The following NFILZ variants were observed in gnomAD, a reference collection of about 807,000 sequenced individuals.
The protein encoded by NFILZ is NFIL3 like protein.
chr19:8,636,929 T>C (rs1555746164), intron 3 of NFILZ, among the ~76,000 whole-genome samples: 1 of 152,028 alleles, frequency 6.6e-6, no homozygotes, highest in Admixed American at 6.6e-5. Context: ...AGGACACTGG[T>C]CCCCTGGATA....
In NFILZ at chr19:8,669,652, TCTGGGGACATTTAAC is replaced by T. The variant is rs2043078209; in HGVS notation, c.-163-4894_-163-4880del. Reference sequence around the variant, plus strand: ...GTCCTCACTGAAACAAGTGGAAGTATCTGGGGACATTTAACCTGGTGCATTAGGAAGGGTTTGGGT... The same window carrying T: ...GTCCTCACTGAAACAAGTGGAAGTATCTGGTGCATTAGGAAGGGTTTGGGT... On this transcript the variant is annotated intron_variant, in intron 3 of 5. Coordinates refer to ENST00000691075, the MANE Select transcript of NFILZ (RefSeq NM_001378600.1). 2.6e-5 allele frequency among the ~76,000 whole-genome samples: 4 copies of T among 152,314 alleles called. No homozygotes were observed. The South Asian group carries it at 8.3e-4, about 32-fold the overall frequency.
chr19:8,650,379 G>A (rs1427117278), intron 3 of NFILZ, among the ~76,000 whole-genome samples: 6 of 151,992 alleles, frequency 3.9e-5, no homozygotes, highest in South Asian at 2.1e-4. Flanking sequence ...TAGAGGCTGC[G>A]TGCGGTGGCT....
chr19:8,641,528 A>G (rs2042919232), intron 3 of NFILZ, among the ~76,000 whole-genome samples: 1 of 152,240 alleles, frequency 6.6e-6, no homozygotes, highest in South Asian at 2.1e-4. Flanking sequence ...CACAGAGCCC[A>G]TTCCAATTCT....
chr19:8,663,754 G>GTGTGTATGTGTGTGTATGTGTGTA (rs1475816997), intron 3 of NFILZ, among the ~76,000 whole-genome samples: 26 of 117,542 alleles, frequency 2.2e-4, no homozygotes, highest in Admixed American at 7.2e-4. Flanking sequence ...GTGTGTGTGT[G>GTGTGTATGTGTGTGTATGTGTGTA]TGTGTGTGTG....
At position 8,679,100 on chromosome 19, in the gene NFILZ, T is replaced by C. The variant is rs973509084; in HGVS notation, c.*1465T>C. ...AGCTGCTGGAACAGGAGCAGCTGTGTGAGGGCATCAGTGTCCTCTCTCTCC... is the reference window on the plus strand; with the variant it reads ...AGCTGCTGGAACAGGAGCAGCTGTGCGAGGGCATCAGTGTCCTCTCTCTCC... On this transcript the variant is annotated 3_prime_UTR_variant, in exon 6 of 6. Coordinates refer to ENST00000691075, the MANE Select transcript of NFILZ (RefSeq NM_001378600.1). Among the ~76,000 whole-genome samples the C allele has an allele frequency of 2.0e-5, 3 of 151,998 alleles. No homozygotes were observed. Among genetic ancestry groups the C allele is most frequent in the Admixed American group, 2.0e-4 (3 of 15,252 alleles).
chr19:8,641,720 C>T (rs2042920090), intron 3 of NFILZ, among the ~76,000 whole-genome samples: 4 of 152,304 alleles, frequency 2.6e-5, no homozygotes, highest in African/African-American at 4.8e-5. Context: ...GCCTCAGTTT[C>T]CCTATCTGCA....
At chr19:8,652,077 C>T (rs1449301378) in intron 3 of NFILZ, among the ~76,000 whole-genome samples, 1 of 151,108 alleles carries the variant, frequency 6.6e-6, no homozygotes, top group Non-Finnish European at 1.5e-5. Context: ...GACTTCAATT[C>T]TGTACTTTGC....
chr19:8,675,596 T>G (rs782147657), intron 4 of NFILZ, among the ~76,000 whole-genome samples: 1 of 152,180 alleles, frequency 6.6e-6, no homozygotes, highest in Non-Finnish European at 1.5e-5. Context: ...AGTGAGACCA[T>G]GTTCCTACAG....
At chr19:8,656,441 TCCTCGAAG>T (rs2043000739) in intron 3 of NFILZ, among the ~76,000 whole-genome samples, 1 of 68,676 alleles carries the variant, frequency 1.5e-5, no homozygotes, top group Non-Finnish European at 2.8e-5. Context: ...GCCCACCTTC[TCCTCGAAG>T]CCCACCTTCT....
rs2043127603 is a variant in NFILZ, at chr19:8,678,198, T to TCC, written c.*563_*564insCC. Among the ~76,000 whole-genome samples, 1 of 20,406 alleles carries TCC rather than the reference T, an allele frequency of 4.9e-5. No homozygotes were observed. The highest frequency in any genetic ancestry group is 9.4e-5 in the Non-Finnish European group (1 of 10,588). 13.4% of individuals were successfully genotyped at this position (20,406 alleles called of 152,430 possible). A position where few individuals can be genotyped will look rare whatever the true frequency, so the allele number is the denominator to read the frequency against. On this transcript the variant is annotated 3_prime_UTR_variant, in exon 6 of 6. Transcript: ENST00000691075. ...CCATCCATCCATCCATCCGTCCATC[T>TCC]ATCCATCCATCCATTCATCCATCCG...
intron 3 of NFILZ, among the ~76,000 whole-genome samples, chr19:8,654,797 C>T (rs567073684): frequency 3.3e-5 from 5 of 152,196 alleles, no homozygotes; most frequent in African/African-American, 1.2e-4. Flanking sequence ...TCAACCCCAG[C>T]CCCGCCTCGG....
At chr19:8,663,746 G>GTATGTA (rs1555674956) in intron 3 of NFILZ, among the ~76,000 whole-genome samples, 4 of 51,892 alleles carry the variant, frequency 7.7e-5, no homozygotes, top group African/African-American at 1.9e-4. Flanking sequence ...GTGTGTGTGT[G>GTATGTA]TGTGTGTGTG....
intron 3 of NFILZ, among the ~76,000 whole-genome samples, chr19:8,668,660 T>G (rs2043073559): frequency 6.6e-6 from 1 of 152,212 alleles, no homozygotes. Context: ...TGCACGTGCA[T>G]GCTTTTGACC....
chr19:8,639,919 G>T (rs1555746502), intron 3 of NFILZ, among the ~76,000 whole-genome samples: 1 of 152,142 alleles, frequency 6.6e-6, no homozygotes, highest in Non-Finnish European at 1.5e-5. Context: ...ACCCTGCTGG[G>T]TGTTTAAAAG....
chr19:8,666,668 A>T (rs1049736122), intron 3 of NFILZ, among the ~76,000 whole-genome samples: 2 of 152,118 alleles, frequency 1.3e-5, no homozygotes, highest in Non-Finnish European at 2.9e-5. Flanking sequence ...CTCTTATGAC[A>T]TTAAGATTTT....
At position 8,679,636 on chromosome 19, in the gene NFILZ, A is replaced by G. The variant is rs959406558; in HGVS notation, c.*2001A>G. Among the ~76,000 whole-genome samples the G allele has an allele frequency of 2.0e-4, 30 of 152,126 alleles. No homozygotes were observed. Among genetic ancestry groups the G allele is most frequent in the African/African-American group, 7.2e-4 (30 of 41,430 alleles). On this transcript the variant is annotated 3_prime_UTR_variant, in exon 6 of 6. Coordinates refer to ENST00000691075, the MANE Select transcript of NFILZ (RefSeq NM_001378600.1). ...ACTGGGCATCCCTAGAATCCTGCAC[A>G]TCACAGGTAGGACCTCCTCTACTTG...
intron 3 of NFILZ, among the ~76,000 whole-genome samples, chr19:8,644,127 G>T (rs1201431310): frequency 6.6e-6 from 1 of 152,128 alleles, no homozygotes; most frequent in Non-Finnish European, 1.5e-5. Context: ...TTGAGATGGA[G>T]TCCTGCTCTG....
chr19:8,648,852 TAA>T (rs71179876), intron 3 of NFILZ, among the ~76,000 whole-genome samples: 6 of 139,172 alleles, frequency 4.3e-5, no homozygotes, highest in South Asian at 4.6e-4. Flanking sequence ...AGACTCTGCT[TAA>T]AAAAAAAAAA....
chr19:8,659,953 ACTC>A (rs774820611), intron 3 of NFILZ, among the ~76,000 whole-genome samples: 119 of 151,816 alleles, frequency 7.8e-4, no homozygotes, highest in Non-Finnish European at 1.2e-3. Context: ...CTTTCAGTGA[ACTC>A]CTGGGCCCGT....
Sources: gnomAD v4.1 joint callset for allele counts (sites outside exome capture counted in the v4.1 genomes callset) on GRCh38, gnomAD v4.1.1 for gene constraint, MANE v1.5 for transcripts, NCBI Gene and HGNC (gene_info 2026-07-23, HGNC 2026-07-21) for gene names.